ZFHX3: variants seen among roughly 807,000 people sequenced by gnomAD.
ZFHX3 encodes the protein zinc finger homeobox 3.
Under a neutral mutation model 279.1 loss-of-function variants are expected in ZFHX3, and 42 were observed. The ratio of observed to expected loss-of-function variants is 0.15; its 90% confidence interval spans 0.12 to 0.19. The LOEUF is 0.19. Ranked by LOEUF, ZFHX3 falls within the 10% of genes least tolerant of loss-of-function variation. The pLI, the probability that ZFHX3 is intolerant of heterozygous loss-of-function variation, is 1.00. For missense variants in ZFHX3, 4,981 were observed against 4,754.0 expected, an observed-to-expected ratio of 1.05 and a Z score of -1.40; for synonymous variants, 2,293 against 1,957.8, an observed-to-expected ratio of 1.17 and a Z score of -4.52.
chr16:73,087,725 A>C (rs1966025100), intron 8 of ZFHX3, among the ~76,000 whole-genome samples: 1 of 152,212 alleles, frequency 6.6e-6, no homozygotes, highest in Admixed American at 6.5e-5. Flanking sequence ...GTGTCCCCAA[A>C]GTCTAATACA....
chr16:73,393,946 T>A (rs2017074058), intron 3 of ZFHX3, among the ~76,000 whole-genome samples: 1 of 148,162 alleles, frequency 6.7e-6, no homozygotes, highest in African/African-American at 2.5e-5. Context: ...ATATAAAATA[T>A]GTATTATATA....
chr16:73,784,781 C>CAA (rs1359742885), intron 1 of ZFHX3, among the ~76,000 whole-genome samples: 72 of 90,410 alleles, frequency 8.0e-4, no homozygotes, highest in African/African-American at 6.4e-3. Context: ...CTATTTTTAA[C>CAA]AAAATAAAAA....
At chr16:72,938,451 C>G (rs1001397601) in intron 3 of ZFHX3, among the ~76,000 whole-genome samples, 3 of 152,200 alleles carry the variant, frequency 2.0e-5, no homozygotes, top group African/African-American at 4.8e-5. Context: ...TGCCACACTC[C>G]AAGAGGAAGA....
intron 2 of ZFHX3, among the ~76,000 whole-genome samples, chr16:73,656,256 G>A (rs928088438): frequency 1.3e-5 from 2 of 152,132 alleles, no homozygotes; most frequent in Non-Finnish European, 2.9e-5. Flanking sequence ...TTCACCAGGT[G>A]GCCCTTAACA....
At chr16:73,129,247 G>A (rs1288514201) in intron 7 of ZFHX3, among the ~76,000 whole-genome samples, 4 of 152,004 alleles carry the variant, frequency 2.6e-5, no homozygotes, top group Non-Finnish European at 5.9e-5. Context: ...AATTAGCCAG[G>A]CGTGGTGGTG....
intron 3 of ZFHX3, among the ~76,000 whole-genome samples, chr16:72,893,813 A>T (rs2038829171): frequency 6.6e-6 from 1 of 152,190 alleles, no homozygotes; most frequent in South Asian, 2.1e-4. Context: ...CAAAATTCCA[A>T]GCTTGCTTTG....
At chr16:73,747,495 T>C (rs114742891) in intron 1 of ZFHX3, among the ~76,000 whole-genome samples, 12 of 152,340 alleles carry the variant, frequency 7.9e-5, no homozygotes, top group African/African-American at 2.9e-4. Flanking sequence ...GTTAAGTCAC[T>C]ACAATTTCCA....
At chr16:73,122,793 T>C (rs916455372) in intron 7 of ZFHX3, among the ~76,000 whole-genome samples, 1 of 152,114 alleles carries the variant, frequency 6.6e-6, no homozygotes, top group African/African-American at 2.4e-5. Context: ...CGGCTTTCCG[T>C]GGCCCTGGGA....
At chr16:73,832,201 T>G (rs1414091479) in intron 1 of ZFHX3, among the ~76,000 whole-genome samples, 1 of 148,614 alleles carries the variant, frequency 6.7e-6, no homozygotes, top group Non-Finnish European at 1.5e-5. Flanking sequence ...CCCGACCTCA[T>G]ATGCTTTTTT....
rs758799587 is a variant in ZFHX3 at position 72,787,971 on chromosome 16, C to T, written c.10305G>A (p.Leu3435=). The change falls in exon 10 of 10, where the codon CTG becomes CTA. Residue 3435 remains leucine, a synonymous_variant. Transcript: ENST00000268489. ...KNTPREVSPL[L]PKLPEEPEAE... The stretch of plus-strand genomic sequence containing the variant: ...CTTCTGGCTCTTCAGGGAGTTTCGG[C>T]AGGAGGGGGGACACCTCACGGGGGG... 1.9e-6 allele frequency: 3 copies of T among 1,612,752 alleles called. No homozygotes were observed. Among genetic ancestry groups the T allele is most frequent in the Non-Finnish European group, 2.5e-6 (3 of 1,179,768 alleles).
chr16:72,811,514 A>AT, intron 7 of ZFHX3, 63 bp downstream of exon 7: 2 of 1,430,542 alleles, frequency 1.4e-6, no homozygotes, highest in South Asian at 2.8e-5. Flanking sequence ...TATCTTGCCC[A>AT]TGTTACTGCA....
At chr16:73,448,202 T>G (rs2018220092) in intron 3 of ZFHX3, among the ~76,000 whole-genome samples, 1 of 152,048 alleles carries the variant, frequency 6.6e-6, no homozygotes. Context: ...GATTATACAT[T>G]AAGGTTGAGG....
chr16:73,488,561 G>A (rs2019011456), intron 2 of ZFHX3, among the ~76,000 whole-genome samples: 1 of 152,138 alleles, frequency 6.6e-6, no homozygotes, highest in East Asian at 1.9e-4. Flanking sequence ...TGGGATCCTG[G>A]GCAAATAAAC....
chr16:73,410,041 G>C (rs1441856240), intron 3 of ZFHX3, among the ~76,000 whole-genome samples: 1 of 152,176 alleles, frequency 6.6e-6, no homozygotes, highest in East Asian at 1.9e-4. Context: ...CAAAAATGTA[G>C]TTAGATAGAA....
chr16:73,719,929 T>C (rs2053457974), intron 1 of ZFHX3, among the ~76,000 whole-genome samples: 1 of 152,212 alleles, frequency 6.6e-6, no homozygotes, highest in African/African-American at 2.4e-5. Context: ...CAACAGATGT[T>C]TGCTGTTTTT....
At chr16:73,189,813 G>C (rs572970491) in intron 5 of ZFHX3, among the ~76,000 whole-genome samples, 87 of 152,296 alleles carry the variant, frequency 5.7e-4, no homozygotes, top group African/African-American at 2.0e-3. Context: ...GTAAGGACTG[G>C]GCAGGCATGG....
chr16:73,285,213 A>G (rs1193320201), intron 4 of ZFHX3, among the ~76,000 whole-genome samples: 1 of 152,196 alleles, frequency 6.6e-6, no homozygotes, highest in Non-Finnish European at 1.5e-5. Context: ...GAGGAGAGGT[A>G]GACAACCCTG....
At chr16:73,163,937 T>G (rs1967300820) in intron 5 of ZFHX3, among the ~76,000 whole-genome samples, 1 of 152,186 alleles carries the variant, frequency 6.6e-6, no homozygotes, top group Non-Finnish European at 1.5e-5. Context: ...CTTGCCATAG[T>G]CTTGTGAGGT....
At chr16:73,009,575 G>A (rs1044842406) in intron 1 of ZFHX3, among the ~76,000 whole-genome samples, 28 of 152,078 alleles carry the variant, frequency 1.8e-4, no homozygotes, top group African/African-American at 4.1e-4. Context: ...AATCTATAAC[G>A]TTTTATGCAA....
Sources: allele counts gnomAD v4.1 joint callset (sites outside exome capture counted in the v4.1 genomes callset), GRCh38; gene constraint gnomAD v4.1.1; transcripts MANE v1.5; gene names NCBI Gene and HGNC (gene_info 2026-07-23, HGNC 2026-07-21).